Variants in SLC9A5 observed in about 807,000 individuals in gnomAD.
SLC9A5 encodes sodium/hydrogen exchanger 5.
Under a neutral mutation model 91.7 loss-of-function variants are expected in SLC9A5, and 52 were observed. That is an observed-to-expected ratio of 0.57 (90% CI 0.45 to 0.71). The LOEUF is 0.71. Among genes scored for constraint, SLC9A5 ranks in the 30% least tolerant of loss-of-function variants. The pLI, the probability that SLC9A5 is intolerant of heterozygous loss-of-function variation, is 0.00. For synonymous variants in SLC9A5, 419 were observed against 474.5 expected (o/e 0.88, Z 1.52); for missense variants, 871 against 1,158.9 (o/e 0.75, Z 3.61).
At position 67,270,642 on chromosome 16, in the gene SLC9A5, G is replaced by T. The variant is rs2035883475; in HGVS notation, c.2219-96G>T. 2.2e-6 allele frequency: 2 copies of T among 891,488 alleles called. No homozygotes were observed. Among genetic ancestry groups the T allele is most frequent in the East Asian group, 2.7e-5 (1 of 37,256 alleles). The allele number at this position is 891,488 out of a possible 1,614,324, so 55.2% of individuals were successfully genotyped here. Reference sequence around the variant, plus strand: ...CATCCGATAATCGCAAAAATGGACGGCATATGGAAACTGTGGCATGAATTT... The same window carrying T: ...CATCCGATAATCGCAAAAATGGACGTCATATGGAAACTGTGGCATGAATTT... On this transcript the variant is annotated intron_variant, in intron 15 of 15. Coordinates refer to ENST00000299798, the MANE Select transcript of SLC9A5 (RefSeq NM_004594.3). This position sits in a 1 kb window ranked among gnomAD's most constrained non-coding sequence, Gnocchi z 4.3.
intron 15 of SLC9A5, among the ~76,000 whole-genome samples, chr16:67,269,291 G>C (rs2035842951): frequency 1.3e-5 from 2 of 152,030 alleles, no homozygotes; most frequent in Non-Finnish European, 2.9e-5. Flanking sequence ...AATTAGCTAG[G>C]CATGGTGGTG....
In SLC9A5 at chr16:67,252,462, A is replaced by C. The variant is rs1446552406; in HGVS notation, c.188-80A>C. ...GAGACTTCATCTCAAAAAAAAAAAAACAAAACTGGGAGTTCATAGGCCTGT... is the reference window on the plus strand; with the variant it reads ...GAGACTTCATCTCAAAAAAAAAAAACCAAAACTGGGAGTTCATAGGCCTGT... On this transcript the variant is annotated intron_variant, in intron 1 of 15. Coordinates refer to ENST00000299798, the MANE Select transcript of SLC9A5 (RefSeq NM_004594.3). This position sits in a 1 kb window ranked among gnomAD's most constrained non-coding sequence, Gnocchi z 4.0. The C allele has an allele frequency of 6.1e-6, 8 of 1,321,262 alleles. No homozygotes were observed. Among genetic ancestry groups the C allele is most frequent in the African/African-American group, 1.5e-5 (1 of 67,582 alleles). The allele number at this position is 1,321,262 out of a possible 1,614,324, so 81.8% of individuals were successfully genotyped here. A position where few individuals can be genotyped will look rare whatever the true frequency, so the allele number is the denominator to read the frequency against.
At chr16:67,262,362 G>A (rs894797848) in intron 12 of SLC9A5, 13 of 435,222 alleles carry the variant, frequency 3.0e-5, no homozygotes, top group Admixed American at 5.1e-5. Flanking sequence ...GTTCTTCATC[G>A]AAATATCATT....
chr16:67,262,214 T>C (rs2035554936), intron 12 of SLC9A5: 2 of 456,904 alleles, frequency 4.4e-6, no homozygotes, highest in South Asian at 3.1e-5. Flanking sequence ...TTGAACAGGA[T>C]AGAGCTGAGG....
At chr16:67,260,582 G>A (rs1360127740) in intron 12 of SLC9A5, among the ~76,000 whole-genome samples, 1 of 152,034 alleles carries the variant, frequency 6.6e-6, no homozygotes, top group African/African-American at 2.4e-5. Flanking sequence ...CTGAGCGGTG[G>A]GAAAGAAGAG....
intron 1 of SLC9A5, among the ~76,000 whole-genome samples, chr16:67,251,614 G>A (rs1035603720): frequency 1.3e-5 from 2 of 151,760 alleles, no homozygotes; most frequent in Non-Finnish European, 2.9e-5. Flanking sequence ...GGGTTTCGCC[G>A]TGCTGGCCAG....
chr16:67,268,261 T>A (rs2035782736), intron 15 of SLC9A5, among the ~76,000 whole-genome samples: 1 of 151,418 alleles, frequency 6.6e-6, no homozygotes, highest in Admixed American at 6.6e-5. Flanking sequence ...AAGTGATCTT[T>A]ACTTCTCAGC....
At chr16:67,261,560 T>G (rs1597357222) in intron 12 of SLC9A5, 1 of 152,206 alleles carries the variant, frequency 6.6e-6, no homozygotes, top group Non-Finnish European at 1.5e-5. Flanking sequence ...GCAAGAACTC[T>G]TACATCCAGT....
At position 67,271,405 on chromosome 16, in the gene SLC9A5, T is replaced by G; in HGVS notation, c.*195T>G. On this transcript the variant is annotated 3_prime_UTR_variant, in exon 16 of 16. Transcript: ENST00000299798. ...GCCTTTCTCACCACCTCCCTGCTCC[T>G]AACCCCTGCCACTTTCTGTTTCATT... The G allele has an allele frequency of 1.7e-6, 1 of 601,096 alleles. No homozygotes were observed. The highest frequency in any genetic ancestry group is 3.0e-6 in the Non-Finnish European group (1 of 337,834). The allele number at this position is 601,096 out of a possible 1,614,324, so 37.2% of individuals were successfully genotyped here. A position where few individuals can be genotyped will look rare whatever the true frequency, so the allele number is the denominator to read the frequency against.
rs2035370515 is a variant in SLC9A5 at position 67,257,687 on chromosome 16, G to A, written c.1496+86G>A. On this transcript the variant is annotated intron_variant, in intron 9 of 15. Transcript: ENST00000299798. The surrounding 1 kb of genome is among the most constrained non-coding windows in gnomAD (Gnocchi z 5.1). Reference sequence around the variant, plus strand: ...GGGGATGTGCCACACTTCTGAGAAGGGACAGAGCCAGGTTCAGGCTGGGTG... The same window carrying A: ...GGGGATGTGCCACACTTCTGAGAAGAGACAGAGCCAGGTTCAGGCTGGGTG... 1 of 1,418,766 alleles carries A rather than the reference G, an allele frequency of 7.0e-7. No homozygotes were observed. Among genetic ancestry groups the A allele is most frequent in the African/African-American group, 1.4e-5 (1 of 71,174 alleles). 87.9% of individuals were successfully genotyped at this position (1,418,766 alleles called of 1,614,324 possible).
Position 67,270,738 on chromosome 16 carries a change from G to A in SLC9A5, c.2219G>A (p.Gly740Glu). The change falls in exon 16 of 16, where the codon GGA (glycine) becomes GAA (glutamate). Residue 740 changes from glycine to glutamate, a missense_variant and splice_region_variant. Coordinates refer to ENST00000299798, the MANE Select transcript of SLC9A5 (RefSeq NM_004594.3). This position sits in a 1 kb window ranked among gnomAD's most constrained non-coding sequence, Gnocchi z 4.3. ...SEVLQEGKVS[G>E]SLEVCPSPRI... Reference sequence around the variant, plus strand: ...GTTCATGTGTACTCTCTGTCCCCAGGAAGCCTTGAGGTGTGCCCAAGCCCA... The same window carrying A: ...GTTCATGTGTACTCTCTGTCCCCAGAAAGCCTTGAGGTGTGCCCAAGCCCA... 6.3e-7 allele frequency: 1 copy of A among 1,593,238 alleles called. No individual in the cohort carries two copies. Among genetic ancestry groups the A allele is most frequent in the East Asian group, 2.2e-5 (1 of 44,454 alleles).
chr16:67,263,826 A>C (rs1319730433), intron 12 of SLC9A5: 2 of 155,232 alleles, frequency 1.3e-5, no homozygotes, highest in African/African-American at 4.8e-5. Context: ...GGTGATCCTG[A>C]ATTATTGGGA....
intron 15 of SLC9A5, among the ~76,000 whole-genome samples, chr16:67,266,471 G>A (rs891508210): frequency 6.6e-6 from 1 of 152,184 alleles, no homozygotes. Context: ...GCATCACATA[G>A]TAGAACCAGA....
intron 12 of SLC9A5, chr16:67,261,052 C>T (rs560155001): frequency 6.6e-6 from 1 of 152,380 alleles, no homozygotes; most frequent in Admixed American, 6.5e-5. Context: ...TTCACACAGG[C>T]TCTCTTGCCC....
Position 67,270,777 on chromosome 16 carries a change from C to T in SLC9A5, c.2258C>T (p.Pro753Leu). The T allele has an allele frequency of 6.2e-7, 1 of 1,613,078 alleles. No homozygotes were observed. The highest frequency in any genetic ancestry group is 1.1e-5 in the South Asian group (1 of 90,970). ...EVCPSPRIIP[P>L]SPTCAEKELP... Reference sequence around the variant, plus strand: ...TGCCCAAGCCCACGAATCATTCCCCCCTCCCCAACCTGTGCAGAAAAGGAG... The same window carrying T: ...TGCCCAAGCCCACGAATCATTCCCCTCTCCCCAACCTGTGCAGAAAAGGAG... Residue 753 changes from proline to leucine, a missense_variant, in exon 16 of 16, where the codon CCC becomes CTC. Coordinates refer to ENST00000299798, the MANE Select transcript of SLC9A5 (RefSeq NM_004594.3). The surrounding 1 kb of genome is among the most constrained non-coding windows in gnomAD (Gnocchi z 4.3).
In SLC9A5 at chr16:67,264,400, C is replaced by T. The variant is rs766655157; in HGVS notation, c.1891C>T (p.Arg631Trp). The T allele has an allele frequency of 5.6e-6, 9 of 1,613,990 alleles. No homozygotes were observed. In the East Asian group the frequency reaches 6.7e-5, roughly 12 times the overall value. ...CTTCATCTCAGAGGATGCGCAGGAG[C>T]GGCAGGACAAGGAGGTCTTCCAGCA... ...RHFISEDAQE[R>W]QDKEVFQQNM... Residue 631 changes from arginine to tryptophan, a missense_variant, in exon 13 of 16, where the codon CGG (arginine) becomes TGG (tryptophan). Coordinates refer to ENST00000299798, the MANE Select transcript of SLC9A5 (RefSeq NM_004594.3).
rs372000444 is a variant in SLC9A5, at chr16:67,271,098, C to T, written c.2579C>T (p.Pro860Leu). 8 of 1,613,934 alleles carry T rather than the reference C, an allele frequency of 5.0e-6. No individual in the cohort carries two copies. Among genetic ancestry groups the T allele is most frequent in the Non-Finnish European group, 5.9e-6 (7 of 1,179,960 alleles). Residue 860 changes from proline to leucine, a missense_variant, in exon 16 of 16, where the codon CCC (proline) becomes CTC (leucine). Coordinates refer to ENST00000299798, the MANE Select transcript of SLC9A5 (RefSeq NM_004594.3). Reference protein sequence around the residue: ...RSRSESSADLPQQQELQPLMG... With the variant: ...RSRSESSADLLQQQELQPLMG... ...CGCAGTGAGAGCAGCGCTGACCTCC[C>T]CCAGCAGCAGGAGCTGCAGCCCCTC...
In SLC9A5 at chr16:67,252,963, C is replaced by T. The variant is rs2035184885; in HGVS notation, c.490+119C>T. On this transcript the variant is annotated intron_variant, in intron 2 of 15. Transcript: ENST00000299798. This position sits in a 1 kb window ranked among gnomAD's most constrained non-coding sequence, Gnocchi z 4.0. ...TGAAAGCTCCATCCTAGGTCCCTCC[C>T]TCTGGAGTGCAAGGCAGTGCTCCCG... is the stretch of plus-strand genomic sequence containing the variant. The T allele has an allele frequency of 1.7e-5, 16 of 922,018 alleles. No homozygotes were observed. The South Asian group carries it at 2.2e-4, about 13-fold the overall frequency. The allele number at this position is 922,018 out of a possible 1,614,324, so 57.1% of individuals were successfully genotyped here. A position where few individuals can be genotyped will look rare whatever the true frequency, so the allele number is the denominator to read the frequency against.
chr16:67,252,533 G>C lies in SLC9A5; in HGVS notation c.188-9G>C. ...AACTGATCCATCCTGCACTCTTTTT[G>C]CATTGCAGTGTTTCACCTGTCTCGG... On this transcript the variant is annotated splice_polypyrimidine_tract_variant and intron_variant, in intron 1 of 15. Coordinates refer to ENST00000299798, the MANE Select transcript of SLC9A5 (RefSeq NM_004594.3). The surrounding 1 kb of genome is among the most constrained non-coding windows in gnomAD (Gnocchi z 4.0). 3.1e-6 allele frequency: 5 copies of C among 1,603,168 alleles called. No individual in the cohort carries two copies. The highest frequency in any genetic ancestry group is 4.3e-6 in the Non-Finnish European group (5 of 1,175,196).
Sources: allele counts gnomAD v4.1 joint callset (sites outside exome capture counted in the v4.1 genomes callset), GRCh38; gene constraint gnomAD v4.1.1; non-coding constraint Gnocchi (gnomAD v3.1); transcripts MANE v1.5; gene names NCBI Gene and HGNC (gene_info 2026-07-23, HGNC 2026-07-21).